Variants in ZFP2 observed in about 807,000 individuals in gnomAD.
The protein encoded by ZFP2 is zinc finger protein ZFP2.
ZFP2 carries 33 observed loss-of-function variants against 36.1 expected under a neutral mutation model. The ratio of observed to expected loss-of-function variants is 0.92; its 90% CI spans 0.69 to 1.22. ZFP2 has a LOEUF of 1.22. Ranked by LOEUF, ZFP2 falls within the 50% of genes most tolerant of loss-of-function variation. The pLI is 0.00. For synonymous variants in ZFP2, 170 were observed against 178.0 expected (o/e 0.96, Z 0.36); for missense variants, 522 against 551.4 (o/e 0.95, Z 0.53).
intron 4 of ZFP2, among the ~76,000 whole-genome samples, chr5:178,925,210 AT>A (rs1174376588): frequency 1.4e-5 from 2 of 147,710 alleles, no homozygotes; most frequent in Non-Finnish European, 3.0e-5. Context: ...ATTCATTCAT[AT>A]TGATATGTGT....
At position 178,912,709 on chromosome 5, in the gene ZFP2, G is replaced by T; in HGVS notation, c.-324G>T. 9.4e-7 allele frequency: 1 copy of T among 1,063,950 alleles called. No homozygotes were observed. Among genetic ancestry groups the T allele is most frequent in the Non-Finnish European group, 1.2e-6 (1 of 863,716 alleles). 65.9% of individuals were successfully genotyped at this position (1,063,950 alleles called of 1,614,324 possible). A position where few individuals can be genotyped will look rare whatever the true frequency, so the allele number is the denominator to read the frequency against. On this transcript the variant is annotated 5_prime_UTR_variant, in exon 2 of 5. Transcript: ENST00000361362. ...TGATGCTGGAGAACTACAGGAACCC[G>T]GTCTCACTGGGTAAGGACTTCTTGT...
At chr5:178,930,314 C>CTTTTTTTTTTTTTTTTTTTTTT (rs990713790) in intron 4 of ZFP2, among the ~76,000 whole-genome samples, 5 of 71,324 alleles carry the variant, frequency 7.0e-5, no homozygotes, top group Non-Finnish European at 1.2e-4. Flanking sequence ...TTTCCCTTTC[C>CTTTTTTTTTTTTTTTTTTTTTT]TTTTTTTTTT....
chr5:178,930,986 T>TGCCCA (rs1491574085), intron 4 of ZFP2, among the ~76,000 whole-genome samples: 2 of 152,326 alleles, frequency 1.3e-5, no homozygotes, highest in Admixed American at 1.3e-4. Context: ...GGGCTCACTC[T>TGCCCA]TTTCTCTGCT....
In ZFP2 at chr5:178,932,852, C is replaced by T. The variant is rs1758878253; in HGVS notation, c.*153C>T. 11 of 962,480 alleles carry T rather than the reference C, an allele frequency of 1.1e-5. 2 individuals carry two copies. The South Asian group carries it at 1.9e-4, about 17-fold the overall frequency. 59.6% of individuals were successfully genotyped at this position (962,480 alleles called of 1,614,324 possible). A position where few individuals can be genotyped will look rare whatever the true frequency, so the allele number is the denominator to read the frequency against. ...TCAGATAATACCACTGCAGAGAATC[C>T]ATCTAAAAGTAGAGAAATCTTGATT... is the stretch of plus-strand genomic sequence containing the variant. On this transcript the variant is annotated 3_prime_UTR_variant, in exon 5 of 5. Coordinates refer to ENST00000361362, the MANE Select transcript of ZFP2 (RefSeq NM_030613.4).
At chr5:178,911,220 G>A (rs1311936464) in intron 1 of ZFP2, among the ~76,000 whole-genome samples, 1 of 152,220 alleles carries the variant, frequency 6.6e-6, no homozygotes, top group South Asian at 2.1e-4. Flanking sequence ...CTGTGCCTGA[G>A]TGTTGACACT....
At chr5:178,927,353 G>C (rs1347023519) in intron 4 of ZFP2, among the ~76,000 whole-genome samples, 1 of 152,176 alleles carries the variant, frequency 6.6e-6, no homozygotes, top group Non-Finnish European at 1.5e-5. Context: ...CCTCCTTTAA[G>C]AGTTTAAGTT....
chr5:178,897,137 C>G (rs183788707), intron 1 of ZFP2, among the ~76,000 whole-genome samples: 90 of 150,268 alleles, frequency 6.0e-4, no homozygotes, highest in African/African-American at 2.2e-3. Flanking sequence ...AGTGAAATTT[C>G]TAGGTCCAGG....
Position 178,931,373 on chromosome 5 carries a change from G to T in ZFP2, c.60G>T (p.Trp20Cys). 6.2e-7 allele frequency: 1 copy of T among 1,613,938 alleles called. No individual in the cohort carries two copies. The highest frequency in any genetic ancestry group is 1.1e-5 in the South Asian group (1 of 91,030). The change falls in exon 5 of 5, where the codon TGG becomes TGT. Residue 20 changes from tryptophan (W) to cysteine (C), a missense_variant. Trp to Cys is a radical substitution (Grantham distance 215, BLOSUM62 -2). Transcript: ENST00000361362. ...GGGAAACCTGGGAACCTAATAATTGGTTAGAGGGACAACAGGATAGTCATC... is the reference window on the plus strand; with the variant it reads ...GGGAAACCTGGGAACCTAATAATTGTTTAGAGGGACAACAGGATAGTCATC... ...TLGETWEPNN[W>C]LEGQQDSHLS...
chr5:178,902,238 T>G (rs1758073480), intron 1 of ZFP2, among the ~76,000 whole-genome samples: 1 of 152,228 alleles, frequency 6.6e-6, no homozygotes, highest in Admixed American at 6.5e-5. Flanking sequence ...TATATATTTC[T>G]GAACCATTTG....
intron 1 of ZFP2, 44 bp from the exon 2 acceptor site, chr5:178,912,540 T>A (rs1758319738): frequency 1.8e-6 from 1 of 541,280 alleles, no homozygotes; most frequent in Admixed American, 6.4e-5. Context: ...TTCACTCCCC[T>A]CAGAGGGTTT....
chr5:178,898,287 A>G (rs1757982440), intron 1 of ZFP2, among the ~76,000 whole-genome samples: 1 of 152,206 alleles, frequency 6.6e-6, no homozygotes. Context: ...CGCATGGCCC[A>G]TATTAACTGT....
chr5:178,926,467 G>A (rs747977007), intron 4 of ZFP2, among the ~76,000 whole-genome samples: 36 of 151,718 alleles, frequency 2.4e-4, no homozygotes, highest in Non-Finnish European at 4.0e-4. Context: ...GCTGACCCCT[G>A]TACAGAGGTG....
rs1382097357 is a variant in ZFP2 at position 178,925,698 on chromosome 5, C to CAAA, written c.-77-5539_-77-5538insAAA. Among the ~76,000 whole-genome samples the CAAA allele has an allele frequency of 5.9e-3, 882 of 149,420 alleles. 31 individuals are homozygous for CAAA. The highest frequency in any genetic ancestry group is 0.021 in the African/African-American group (846 of 41,248). ...TTGCAGACCATTCAGGCTTCCTTTCCTTAAGTGCTTATTCAAGTCTTTTGC... is the reference window on the plus strand; with the variant it reads ...TTGCAGACCATTCAGGCTTCCTTTCCAAATTAAGTGCTTATTCAAGTCTTTTGC... On this transcript the variant is annotated intron_variant, in intron 4 of 4. Transcript: ENST00000361362.
At chr5:178,910,478 G>C (rs954961641) in intron 1 of ZFP2, 2 of 667,992 alleles carry the variant, frequency 3.0e-6, no homozygotes, top group Non-Finnish European at 5.6e-6. Flanking sequence ...CATGCCACAG[G>C]GTGGTACTTG....
intron 4 of ZFP2, among the ~76,000 whole-genome samples, chr5:178,928,994 G>A (rs1033802372): frequency 1.3e-5 from 2 of 152,208 alleles, no homozygotes; most frequent in Non-Finnish European, 1.5e-5. Flanking sequence ...AGCTGCCAAG[G>A]CTTACAGCTT....
At chr5:178,903,518 G>C (rs1390115722) in intron 1 of ZFP2, among the ~76,000 whole-genome samples, 2 of 152,152 alleles carry the variant, frequency 1.3e-5, no homozygotes, top group Non-Finnish European at 2.9e-5. Context: ...ACATATAAAA[G>C]AGGTCTTTCC....
intron 3 of ZFP2, 132 bp from the exon 4 acceptor site, chr5:178,916,433 A>G (rs1003055964): frequency 1.8e-5 from 8 of 440,298 alleles, no homozygotes; most frequent in African/African-American, 1.3e-4. Flanking sequence ...TAACAAGGAA[A>G]AGACTTGAGT....
At chr5:178,929,015 A>G (rs1758758514) in intron 4 of ZFP2, among the ~76,000 whole-genome samples, 1 of 152,202 alleles carries the variant, frequency 6.6e-6, no homozygotes, top group South Asian at 2.1e-4. Context: ...GCACCCTCTG[A>G]AGCAGCAGCC....
At chr5:178,898,228 C>T (rs1348917102) in intron 1 of ZFP2, among the ~76,000 whole-genome samples, 2 of 152,346 alleles carry the variant, frequency 1.3e-5, no homozygotes, top group East Asian at 3.9e-4. Context: ...TCAAGTGGTC[C>T]ACCCACCTTG....
Sources: allele counts gnomAD v4.1 joint callset (sites outside exome capture counted in the v4.1 genomes callset), GRCh38; gene constraint gnomAD v4.1.1; transcripts MANE v1.5; gene names NCBI Gene and HGNC (gene_info 2026-07-23, HGNC 2026-07-21).